Variants in HIF1AN observed in about 807,000 individuals in gnomAD.
The protein encoded by HIF1AN is hypoxia-inducible factor 1-alpha inhibitor.
A neutral mutation model predicts 47.7 loss-of-function variants in HIF1AN; 21 were observed. That is an observed-to-expected ratio of 0.44 (90% CI 0.31 to 0.63). The LOEUF (loss-of-function observed/expected upper bound fraction) is 0.63. Among genes scored for constraint, HIF1AN ranks in the 30% least tolerant of loss-of-function variants. The pLI, the probability that HIF1AN is intolerant of heterozygous loss-of-function variation, is 0.07. For synonymous variants in HIF1AN, 152 were observed against 155.9 expected (o/e 0.98, Z 0.18); for missense variants, 320 against 432.7 (o/e 0.74, Z 2.31).
At chr10:100,543,080 T>C (rs1318140162) in intron 3 of HIF1AN, among the ~76,000 whole-genome samples, 1 of 152,256 alleles carries the variant, frequency 6.6e-6, no homozygotes, top group Middle Eastern at 3.2e-3. Flanking sequence ...CCTTGGTTTC[T>C]TCTTGTTTGA....
Position 100,556,619 on chromosome 10 carries a change from C to G in HIF1AN, c.*8482C>G, listed in dbSNP as rs193249896. The G allele has an allele frequency of 8.8e-4, 134 of 152,314 alleles. No homozygotes were observed. The highest frequency in any genetic ancestry group is 3.2e-3 in the African/African-American group (131 of 41,554). The allele number at this position is 152,314 out of a possible 1,614,324, so 9.4% of individuals were successfully genotyped here. ...AATTTTTGATCATATTTGAACAAAACCCCACCTACAGTCTGCATGGTCATT... is the reference window on the plus strand; with the variant it reads ...AATTTTTGATCATATTTGAACAAAAGCCCACCTACAGTCTGCATGGTCATT... On this transcript the variant is annotated 3_prime_UTR_variant, in exon 8 of 8. Coordinates refer to ENST00000299163, the MANE Select transcript of HIF1AN (RefSeq NM_017902.3).
intron 2 of HIF1AN, among the ~76,000 whole-genome samples, chr10:100,540,205 C>T: frequency 6.7e-6 from 1 of 150,102 alleles, no homozygotes. Context: ...CCCTCCTACT[C>T]TTTGGATTCT....
chr10:100,551,139 G>A lies in HIF1AN; in HGVS notation c.*3002G>A, dbSNP rs1267750856. The A allele has an allele frequency of 1.3e-5, 2 of 152,180 alleles. No individual in the cohort carries two copies. Among genetic ancestry groups the A allele is most frequent in the Non-Finnish European group, 2.9e-5 (2 of 68,048 alleles). 9.4% of individuals were successfully genotyped at this position (152,180 alleles called of 1,614,324 possible). The stretch of plus-strand genomic sequence containing the variant: ...GGGGGTTGGAGTTCTGGGGTTGGAG[G>A]AGGGGCTGTTCTGGGCATCAGTTGA... On this transcript the variant is annotated 3_prime_UTR_variant, in exon 8 of 8. Coordinates refer to ENST00000299163, the MANE Select transcript of HIF1AN (RefSeq NM_017902.3).
Position 100,552,511 on chromosome 10 carries a change from C to T in HIF1AN, c.*4374C>T, listed in dbSNP as rs183606222. Reference sequence around the variant, plus strand: ...TACTCCCCTTTGAGACCTTCAGCTGCTTGTCTTCCACTGCCTGCATACTTC... The same window carrying T: ...TACTCCCCTTTGAGACCTTCAGCTGTTTGTCTTCCACTGCCTGCATACTTC... On this transcript the variant is annotated 3_prime_UTR_variant, in exon 8 of 8. Coordinates refer to ENST00000299163, the MANE Select transcript of HIF1AN (RefSeq NM_017902.3). 1 of 152,556 alleles carries T rather than the reference C, an allele frequency of 6.6e-6. No homozygotes were observed. The highest frequency in any genetic ancestry group is 2.4e-5 in the African/African-American group (1 of 41,464). 9.5% of individuals were successfully genotyped at this position (152,556 alleles called of 1,614,324 possible). A position where few individuals can be genotyped will look rare whatever the true frequency, so the allele number is the denominator to read the frequency against.
intron 7 of HIF1AN, 56 bp downstream of exon 7, chr10:100,547,306 T>G: frequency 9.8e-7 from 1 of 1,023,974 alleles, no homozygotes; most frequent in East Asian, 2.5e-5. Flanking sequence ...AAAGTCAGGA[T>G]CAGAGCGACA....
chr10:100,543,822 T>C (rs2133725955), intron 3 of HIF1AN, among the ~76,000 whole-genome samples: 1 of 152,302 alleles, frequency 6.6e-6, no homozygotes, highest in East Asian at 1.9e-4. Flanking sequence ...TCCCCCGCCT[T>C]GGCCTCCCAA....
At chr10:100,539,410 C>G (rs761200581) in intron 2 of HIF1AN, among the ~76,000 whole-genome samples, 24 of 152,170 alleles carry the variant, frequency 1.6e-4, no homozygotes, top group Non-Finnish European at 3.4e-4. Flanking sequence ...AGGCCTTTAC[C>G]TAATAAGCTA....
Position 100,554,403 on chromosome 10 carries a change from G to A in HIF1AN, c.*6266G>A, listed in dbSNP as rs1843196304. The A allele has an allele frequency of 6.6e-6, 1 of 152,274 alleles. No homozygotes were observed. Among genetic ancestry groups the A allele is most frequent in the South Asian group, 2.1e-4 (1 of 4,836 alleles). 9.4% of individuals were successfully genotyped at this position (152,274 alleles called of 1,614,324 possible). On this transcript the variant is annotated 3_prime_UTR_variant, in exon 8 of 8. Coordinates refer to ENST00000299163, the MANE Select transcript of HIF1AN (RefSeq NM_017902.3). Reference sequence around the variant, plus strand: ...TGTAATCCCAGCACTTCGGGAGGCTGAGGCAGGAGGATCACTTGAGCCCAG... The same window carrying A: ...TGTAATCCCAGCACTTCGGGAGGCTAAGGCAGGAGGATCACTTGAGCCCAG...
chr10:100,559,349 A>T lies in HIF1AN; in HGVS notation c.*11212A>T, dbSNP rs1347477643. On this transcript the variant is annotated 3_prime_UTR_variant, in exon 8 of 8. Coordinates refer to ENST00000299163, the MANE Select transcript of HIF1AN (RefSeq NM_017902.3). ...ACTTTTTTGTTTTATAAGCAAAATA[A>T]TAAGATTTGTTAGCAGAACTTAAAA... 1 of 152,248 alleles carries T rather than the reference A, an allele frequency of 6.6e-6. No individual in the cohort carries two copies. The highest frequency in any genetic ancestry group is 1.5e-5 in the Non-Finnish European group (1 of 68,044). The allele number at this position is 152,248 out of a possible 1,614,324, so 9.4% of individuals were successfully genotyped here.
chr10:100,541,909 T>G (rs1843037318), intron 3 of HIF1AN, among the ~76,000 whole-genome samples: 1 of 152,180 alleles, frequency 6.6e-6, no homozygotes, highest in South Asian at 2.1e-4. Flanking sequence ...GGCTATATGG[T>G]GTAGCCTCTG....
At chr10:100,536,281 C>T (rs1176931626) in intron 1 of HIF1AN, 130 bp from the exon 2 acceptor site, 2 of 1,334,978 alleles carry the variant, frequency 1.5e-6, no homozygotes, top group African/African-American at 2.9e-5. Flanking sequence ...AGATACGGAA[C>T]TTAGGGGTTC....
rs747018581 is a variant in HIF1AN, at chr10:100,536,008, GGGA to G, written c.56_58del (p.Glu19del). On this transcript the variant is annotated inframe_deletion, in exon 1 of 8. Transcript: ENST00000299163. ...GTGGCCTCTGGCTCTGGAGAGCCCC[GGGA>G]GGAGGCTGGAGCCCTCGGCCCCGCC... 2 of 1,577,648 alleles carry G rather than the reference GGGA, an allele frequency of 1.3e-6. No individual in the cohort carries two copies. The highest frequency in any genetic ancestry group is 4.7e-5 in the East Asian group (2 of 42,458).
chr10:100,544,985 G>C lies in HIF1AN; in HGVS notation c.612G>C (p.Gln204His). 6.2e-7 allele frequency: 1 copy of C among 1,614,178 alleles called. No homozygotes were observed. Among genetic ancestry groups the C allele is most frequent in the Non-Finnish European group, 8.5e-7 (1 of 1,180,036 alleles). ...NVTPAHYDEQ[Q>H]NFFAQIKGYK... ...CACCTGCTCACTATGATGAGCAGCA[G>C]AACTTTTTTGCTCAGATAAAAGGTT... is the stretch of plus-strand genomic sequence containing the variant. Residue 204 changes from glutamine (Q) to histidine (H), a missense_variant, in exon 4 of 8, where the codon CAG becomes CAC. Physicochemically the swap from Gln to His is conservative, Grantham distance 24. This residue lies in a region of HIF1AN where 161 missense variants were observed against 272.8 expected (regional missense o/e 0.59). Transcript: ENST00000299163.
intron 6 of HIF1AN, 91 bp from the exon 7 acceptor site, chr10:100,547,049 T>A (rs1843100859): frequency 1.1e-6 from 1 of 948,130 alleles, no homozygotes; most frequent in Admixed American, 2.3e-5. Flanking sequence ...AAGAATTGGG[T>A]TTCTTAGAAG....
Position 100,535,943 on chromosome 10 carries a change from G to A in HIF1AN, c.-16G>A, listed in dbSNP as rs1204364254. 3.2e-6 allele frequency: 5 copies of A among 1,545,718 alleles called. No individual in the cohort carries two copies. The highest frequency in any genetic ancestry group is 4.4e-6 in the Non-Finnish European group (5 of 1,146,152). On this transcript the variant is annotated 5_prime_UTR_variant, in exon 1 of 8. Coordinates refer to ENST00000299163, the MANE Select transcript of HIF1AN (RefSeq NM_017902.3). ...GGAGCTTCCGGTTCCGGTGGGGGCC[G>A]TCCCTGGCGGCGGAGATGGCGGCGA...
At chr10:100,545,276 C>T (rs1450689030) in intron 4 of HIF1AN, 180 bp downstream of exon 4, 2 of 581,954 alleles carry the variant, frequency 3.4e-6, no homozygotes, top group East Asian at 5.8e-5. Context: ...CTGGAGTGGC[C>T]ACCAGATGTT....
At position 100,556,852 on chromosome 10, in the gene HIF1AN, C is replaced by T. The variant is rs563123764; in HGVS notation, c.*8715C>T. Reference sequence around the variant, plus strand: ...GCTCGTGATAATGTTTTTAAAACACCTGGCTCAAGCACTCAGGAAAATGTT... The same window carrying T: ...GCTCGTGATAATGTTTTTAAAACACTTGGCTCAAGCACTCAGGAAAATGTT... On this transcript the variant is annotated 3_prime_UTR_variant, in exon 8 of 8. Coordinates refer to ENST00000299163, the MANE Select transcript of HIF1AN (RefSeq NM_017902.3). The T allele has an allele frequency of 6.6e-6, 1 of 152,282 alleles. No individual in the cohort carries two copies. The highest frequency in any genetic ancestry group is 2.1e-4 in the South Asian group (1 of 4,820). The allele number at this position is 152,282 out of a possible 1,614,324, so 9.4% of individuals were successfully genotyped here.
chr10:100,548,147 G>C lies in HIF1AN; in HGVS notation c.*10G>C. The C allele has an allele frequency of 3.7e-6, 6 of 1,604,610 alleles. No homozygotes were observed. Among genetic ancestry groups the C allele is most frequent in the Non-Finnish European group, 5.1e-6 (6 of 1,175,178 alleles). ...GGGCCGATACAACTAGCCTGCCAGG[G>C]GTCAAGGCCTCCTGCCAGGTGACTG... On this transcript the variant is annotated 3_prime_UTR_variant, in exon 8 of 8. Coordinates refer to ENST00000299163, the MANE Select transcript of HIF1AN (RefSeq NM_017902.3).
intron 4 of HIF1AN, 113 bp from the exon 5 acceptor site, chr10:100,545,830 C>A: frequency 1.4e-6 from 1 of 703,744 alleles, no homozygotes. Context: ...TTTTTTAAGG[C>A]ATCGTTTTTT....
Sources: gnomAD v4.1 joint callset for allele counts (sites outside exome capture counted in the v4.1 genomes callset) on GRCh38, gnomAD v4.1.1 for gene constraint, gnomAD v4.1.1 regional missense constraint, MANE v1.5 for transcripts, NCBI Gene and HGNC (gene_info 2026-07-23, HGNC 2026-07-21) for gene names.